PTPRD: variants seen among roughly 807,000 people sequenced by gnomAD.
PTPRD encodes the protein protein tyrosine phosphatase receptor type D.
PTPRD carries 34 observed loss-of-function variants against 214.5 expected under a neutral mutation model. The observed-to-expected ratio is 0.16, with a 90% CI of 0.12 to 0.21. The LOEUF is 0.21. PTPRD is among the 10% of genes least tolerant of loss of function. The pLI, the probability that PTPRD is intolerant of heterozygous loss-of-function variation, is 1.00. For missense variants in PTPRD, 2,545 were observed against 2,398.7 expected, an observed-to-expected ratio of 1.06 and a Z score of -1.27; for synonymous variants, 1,128 against 845.7, an observed-to-expected ratio of 1.33 and a Z score of -5.79.
intron 4 of PTPRD, among the ~76,000 whole-genome samples, chr9:9,969,786 G>A (rs1484391235): frequency 6.6e-6 from 1 of 152,160 alleles, no homozygotes; most frequent in Non-Finnish European, 1.5e-5. Context: ...CTTTGCAATA[G>A]CAAAAGATTT....
intron 2 of PTPRD, among the ~76,000 whole-genome samples, chr9:10,393,309 G>C (rs2098107420): frequency 6.6e-6 from 1 of 151,818 alleles, no homozygotes; most frequent in Non-Finnish European, 1.5e-5. Context: ...GTGTGTTTGT[G>C]TGTGTGTGTA....
At chr9:9,070,780 C>T (rs1202283057) in intron 10 of PTPRD, among the ~76,000 whole-genome samples, 2 of 152,166 alleles carry the variant, frequency 1.3e-5, no homozygotes, top group African/African-American at 2.4e-5. Context: ...ATTTATCACA[C>T]TTTATAAGTA....
intron 7 of PTPRD, among the ~76,000 whole-genome samples, chr9:9,626,123 G>C (rs995154091): frequency 4.6e-5 from 7 of 152,180 alleles, no homozygotes; most frequent in Non-Finnish European, 1.0e-4. Context: ...GTGTGGTCTA[G>C]AATTAAAAAG....
rs1590264 is a variant in PTPRD at position 10,226,432 on chromosome 9, G to T, written c.-545+114531C>A. Among the ~76,000 whole-genome samples the T allele has an allele frequency of 6.6e-5, 10 of 151,852 alleles. No homozygotes were observed. In the South Asian group the frequency reaches 2.1e-3, roughly 32 times the overall value. On this transcript the variant is annotated intron_variant, in intron 3 of 45. Transcript: ENST00000381196. ...AGCCACAGAAAGGTACAGAGAAAAA[G>T]AGGCTGAGTATGAGGGAGGCAGCTG...
At chr9:9,105,734 G>T (rs188941352) in intron 10 of PTPRD, among the ~76,000 whole-genome samples, 109 of 152,236 alleles carry the variant, frequency 7.2e-4, no homozygotes, top group African/African-American at 2.6e-3. Flanking sequence ...AATGTTCAGG[G>T]GATTATCAGT....
chr9:8,485,558 G>A (rs2096983070), intron 28 of PTPRD: 1 of 627,608 alleles, frequency 1.6e-6, no homozygotes, highest in Non-Finnish European at 2.7e-6. Flanking sequence ...AGGACATTGG[G>A]GTGCTGTCAG....
intron 11 of PTPRD, among the ~76,000 whole-genome samples, chr9:8,756,511 C>A (rs10116864): frequency 0.05 from 7,673 of 152,152 alleles, 470 homozygotes; most frequent in African/African-American, 0.15. Flanking sequence ...ACTGTGGTAT[C>A]CATGTTAAAG....
chr9:8,959,481 G>C (rs761895659), intron 11 of PTPRD, among the ~76,000 whole-genome samples: 2 of 151,932 alleles, frequency 1.3e-5, no homozygotes, highest in Non-Finnish European at 2.9e-5. Flanking sequence ...GAGAGAGTGA[G>C]AGGAGGAGAG....
intron 10 of PTPRD, among the ~76,000 whole-genome samples, chr9:9,038,552 GGT>G (rs1491225851): frequency 2.4e-5 from 2 of 83,728 alleles, no homozygotes; most frequent in Non-Finnish European, 5.2e-5. Flanking sequence ...TTGTGATAAC[GGT>G]TTTTTTTTTT....
At chr9:10,234,364 C>G (rs1031894463) in intron 3 of PTPRD, among the ~76,000 whole-genome samples, 4 of 151,822 alleles carry the variant, frequency 2.6e-5, no homozygotes, top group South Asian at 4.1e-4. Context: ...ATGGCTTTTA[C>G]TGGCCCTAAA....
chr9:9,196,473 A>C (rs1240601874), intron 9 of PTPRD, among the ~76,000 whole-genome samples: 1 of 152,226 alleles, frequency 6.6e-6, no homozygotes, highest in Admixed American at 6.5e-5. Context: ...TTGTGTTCAT[A>C]CACTCTTTTA....
chr9:9,862,211 G>GAA (rs139742084), intron 5 of PTPRD, among the ~76,000 whole-genome samples: 3 of 136,446 alleles, frequency 2.2e-5, no homozygotes, highest in Admixed American at 7.4e-5. Flanking sequence ...GCCATCATTG[G>GAA]AAAAAAAAAA....
chr9:9,480,218 G>C (rs1013643012), intron 8 of PTPRD, among the ~76,000 whole-genome samples: 1 of 152,172 alleles, frequency 6.6e-6, no homozygotes, highest in Admixed American at 6.6e-5. Flanking sequence ...AGGTGAAGGA[G>C]ATGGTGATTG....
intron 8 of PTPRD, among the ~76,000 whole-genome samples, chr9:9,566,297 T>C (rs984658552): frequency 6.6e-6 from 1 of 152,024 alleles, no homozygotes; most frequent in Non-Finnish European, 1.5e-5. Context: ...AAAACTGTGA[T>C]ATATATGAAG....
chr9:10,073,094 T>C (rs1044641139), intron 3 of PTPRD, among the ~76,000 whole-genome samples: 1 of 152,012 alleles, frequency 6.6e-6, no homozygotes, highest in African/African-American at 2.4e-5. Context: ...ACTATAGAGA[T>C]AGTAAAGAAA....
intron 10 of PTPRD, among the ~76,000 whole-genome samples, chr9:9,042,605 C>CTTTTT (rs201347176): frequency 1.2e-5 from 1 of 81,252 alleles, no homozygotes; most frequent in African/African-American, 3.9e-5. Flanking sequence ...AGCATTTTTT[C>CTTTTT]TTTTTTTTCT....
chr9:9,536,287 G>C (rs1223620251), intron 8 of PTPRD, among the ~76,000 whole-genome samples: 2 of 151,930 alleles, frequency 1.3e-5, no homozygotes, highest in African/African-American at 4.8e-5. Flanking sequence ...CTAAAGATTA[G>C]CACACAAACA....
chr9:8,505,152 C>T (rs1431968461), intron 22 of PTPRD, among the ~76,000 whole-genome samples: 1 of 152,174 alleles, frequency 6.6e-6, no homozygotes, highest in Non-Finnish European at 1.5e-5. Flanking sequence ...ATAACTCTCA[C>T]CTTCCGTGCT....
intron 5 of PTPRD, among the ~76,000 whole-genome samples, chr9:9,860,628 C>T (rs2062525631): frequency 6.6e-6 from 1 of 152,178 alleles, no homozygotes; most frequent in African/African-American, 2.4e-5. Context: ...ATTTCACACT[C>T]TGAAGGAAAA....
Sources: allele counts gnomAD v4.1 joint callset (sites outside exome capture counted in the v4.1 genomes callset), GRCh38; gene constraint gnomAD v4.1.1; transcripts MANE v1.5; gene names NCBI Gene and HGNC (gene_info 2026-07-23, HGNC 2026-07-21).